The following RLN2 variants were observed in gnomAD, a reference collection of about 807,000 sequenced individuals.
RLN2 encodes the protein prorelaxin H2.
Under a neutral mutation model 7.3 loss-of-function variants are expected in RLN2, and 10 were observed. The observed-to-expected ratio is 1.36, with a 90% CI of 0.84 to 2.31. The LOEUF is 2.31. Ranked by LOEUF, RLN2 falls within the 30% of genes most tolerant of loss-of-function variation. The probability of loss-of-function intolerance (pLI) is 0.00; values close to 1 mark genes in which losing one functional copy is unlikely to be tolerated. For synonymous variants in RLN2, 103 were observed against 82.3 expected (o/e 1.25, Z -1.36); for missense variants, 298 against 217.6 (o/e 1.37, Z -2.32).
At chr9:5,335,206 G>C in the RLN2 span, 11 of 1,201,012 alleles carry the variant, frequency 9.2e-6, no homozygotes, top group Admixed American at 1.8e-4. Flanking sequence ...ATGTCATCAA[G>C]ACTATGTGTG....
chr9:5,314,069 G>C, the RLN2 span, among the ~76,000 whole-genome samples: 2 of 151,892 alleles, frequency 1.3e-5, no homozygotes, highest in Admixed American at 1.3e-4. Context: ...GTTCTCACAG[G>C]CACTAAGCCC....
the RLN2 span, among the ~76,000 whole-genome samples, chr9:5,337,414 C>G: frequency 2.0e-5 from 3 of 151,990 alleles, no homozygotes; most frequent in Non-Finnish European, 4.4e-5. Context: ...AACCTAGGCT[C>G]AGAGAAAATA....
chr9:5,304,244 G>C, intron 1 of RLN2, 126 bp downstream of exon 1: 4 of 633,374 alleles, frequency 6.3e-6, no homozygotes, highest in Non-Finnish European at 1.1e-5. Flanking sequence ...CGGCTGAGTA[G>C]GGGCTGAGCG....
At chr9:5,325,493 G>T in the RLN2 span, among the ~76,000 whole-genome samples, 1 of 151,984 alleles carries the variant, frequency 6.6e-6, no homozygotes, top group Admixed American at 6.6e-5. Flanking sequence ...GCAATAGAGA[G>T]AACTCGTAAT....
At chr9:5,326,913 A>G in the RLN2 span, among the ~76,000 whole-genome samples, 10,384 of 152,038 alleles carry the variant, frequency 0.068, 614 homozygotes, top group African/African-American at 0.14. Flanking sequence ...AATATAAAAT[A>G]AAAAACTGGT....
chr9:5,304,572 G>C lies in RLN2; in HGVS notation c.9C>G (p.Arg3=). ...CTCCTAGCAGGTGGAAAAAAAACAG[G>C]CGAGGCATCCTGGGCCTGGTCTCTC... is the stretch of plus-strand genomic sequence containing the variant. MP[R]LFFFHLLGVC... Residue 3 remains arginine, a synonymous_variant, in exon 1 of 2, where the codon CGC becomes CGG. Coordinates refer to ENST00000381627, the MANE Select transcript of RLN2 (RefSeq NM_134441.3). 1 of 1,613,736 alleles carries C rather than the reference G, an allele frequency of 6.2e-7. No individual in the cohort carries two copies. The highest frequency in any genetic ancestry group is 8.5e-7 in the Non-Finnish European group (1 of 1,179,840).
chr9:5,323,445 T>A, the RLN2 span, among the ~76,000 whole-genome samples: 1 of 151,982 alleles, frequency 6.6e-6, no homozygotes, highest in Non-Finnish European at 1.5e-5. Flanking sequence ...TCATCTTATA[T>A]AACTTCTGTT....
At chr9:5,305,809 C>T (rs564087328), upstream of RLN2, among the ~76,000 whole-genome samples, 1 of 152,106 alleles carries the variant, frequency 6.6e-6, no homozygotes, top group South Asian at 2.1e-4. Flanking sequence ...TCAAATAATT[C>T]TAATTTCTAG....
At chr9:5,315,827 G>C in the RLN2 span, among the ~76,000 whole-genome samples, 1 of 152,022 alleles carries the variant, frequency 6.6e-6, no homozygotes, top group Non-Finnish European at 1.5e-5. Flanking sequence ...ATTTTCAGGT[G>C]AGAATACTAT....
In RLN2 at chr9:5,300,288, C is replaced by A; in HGVS notation, c.368G>T (p.Ser123Ile). 2 of 1,613,964 alleles carry A rather than the reference C, an allele frequency of 1.2e-6. No homozygotes were observed. Among genetic ancestry groups the A allele is most frequent in the Non-Finnish European group, 1.7e-6 (2 of 1,179,922 alleles). ...QQHVPVLKDS[S>I]LLFEEFKKLI... ...TTTCTTAAATTCTTCAAAGAGAAGA[C>A]TGGAATCTTTTAATACAGGTACATG... Residue 123 changes from serine (S) to isoleucine (I), a missense_variant, in exon 2 of 2, where the codon AGT becomes ATT. Coordinates refer to ENST00000381627, the MANE Select transcript of RLN2 (RefSeq NM_134441.3).
chr9:5,315,408 G>GA, the RLN2 span, among the ~76,000 whole-genome samples: 1,921 of 139,222 alleles, frequency 0.014, 43 homozygotes, highest in African/African-American at 0.043. Flanking sequence ...CAATGAGAAG[G>GA]AAAAAAAAAA....
chr9:5,324,561 G>C, the RLN2 span, among the ~76,000 whole-genome samples: 4 of 151,800 alleles, frequency 2.6e-5, no homozygotes, highest in Admixed American at 6.6e-5. Context: ...TACTTGAACT[G>C]AACCTAACCA....
Sources: gnomAD v4.1 joint callset for allele counts (sites outside exome capture counted in the v4.1 genomes callset) on GRCh38, gnomAD v4.1.1 for gene constraint, MANE v1.5 for transcripts, NCBI Gene and HGNC (gene_info 2026-07-23, HGNC 2026-07-21) for gene names.